PRKN: variants seen among roughly 807,000 people sequenced by gnomAD.
PRKN encodes the protein E3 ubiquitin-protein ligase parkin.
In PRKN, 56 loss-of-function variants were observed where a neutral mutation model predicts 59.5. The ratio of observed to expected loss-of-function variants is 0.94; its 90% CI spans 0.76 to 1.18. The LOEUF (loss-of-function observed/expected upper bound fraction) is 1.18. Ranked by LOEUF, PRKN falls within the 50% of genes most tolerant of loss-of-function variation. The pLI, the probability that PRKN is intolerant of heterozygous loss-of-function variation, is 0.00. For synonymous variants in PRKN, 250 were observed against 222.1 expected (o/e 1.13, Z -1.12); for missense variants, 657 against 596.4 (o/e 1.10, Z -1.06).
At chr6:162,343,127 A>G (rs1784258595) in intron 2 of PRKN, among the ~76,000 whole-genome samples, 2 of 152,342 alleles carry the variant, frequency 1.3e-5, no homozygotes, top group African/African-American at 4.8e-5. Flanking sequence ...TCTCATCAGA[A>G]GAAATATCTG....
chr6:162,121,256 T>G (rs1414140179), intron 4 of PRKN, among the ~76,000 whole-genome samples: 1 of 152,068 alleles, frequency 6.6e-6, no homozygotes, highest in African/African-American at 2.4e-5. Flanking sequence ...GCAAATACCT[T>G]AAATGTCTGA....
chr6:162,427,213 G>A (rs532604529), intron 2 of PRKN, among the ~76,000 whole-genome samples: 21 of 152,344 alleles, frequency 1.4e-4, no homozygotes, highest in Non-Finnish European at 2.5e-4. Flanking sequence ...TGGCGAGGAT[G>A]TGAATAATTG....
At chr6:162,102,871 G>A (rs559450406) in intron 4 of PRKN, among the ~76,000 whole-genome samples, 203 of 151,742 alleles carry the variant, frequency 1.3e-3, no homozygotes, top group African/African-American at 4.3e-3. Context: ...GTGAAACCCC[G>A]TCTCTACTGA....
chr6:162,421,185 T>C (rs1307951708), intron 2 of PRKN, among the ~76,000 whole-genome samples: 3 of 152,224 alleles, frequency 2.0e-5, no homozygotes, highest in African/African-American at 7.2e-5. Context: ...TTATGCACGA[T>C]GTTTATCAAT....
At chr6:161,609,970 T>C (rs1782428720) in intron 7 of PRKN, among the ~76,000 whole-genome samples, 1 of 152,198 alleles carries the variant, frequency 6.6e-6, no homozygotes. Flanking sequence ...GAAAAGTCAT[T>C]GATATATTTT....
At chr6:161,724,295 T>G (rs955460768) in intron 7 of PRKN, among the ~76,000 whole-genome samples, 6 of 152,346 alleles carry the variant, frequency 3.9e-5, no homozygotes, top group African/African-American at 1.4e-4. Flanking sequence ...ATATTGCAAC[T>G]TTCTAAATTT....
At chr6:161,868,801 T>C (rs922329247) in intron 6 of PRKN, among the ~76,000 whole-genome samples, 1 of 152,170 alleles carries the variant, frequency 6.6e-6, no homozygotes, top group Non-Finnish European at 1.5e-5. Flanking sequence ...AAAAAATATT[T>C]GGATGCACAT....
At chr6:161,465,277 T>C (rs1161249921) in intron 9 of PRKN, among the ~76,000 whole-genome samples, 1 of 152,178 alleles carries the variant, frequency 6.6e-6, no homozygotes, top group Non-Finnish European at 1.5e-5. Flanking sequence ...TTCTTAACAT[T>C]GGGATTTTAA....
chr6:162,494,578 CA>C (rs1792974983), intron 1 of PRKN, among the ~76,000 whole-genome samples: 1 of 152,132 alleles, frequency 6.6e-6, no homozygotes, highest in African/African-American at 2.4e-5. Context: ...ATCCCTATAA[CA>C]AAGCTGCTTG....
At chr6:161,404,806 C>T (rs1787189805) in intron 9 of PRKN, among the ~76,000 whole-genome samples, 1 of 152,196 alleles carries the variant, frequency 6.6e-6, no homozygotes, top group South Asian at 2.1e-4. Context: ...ACTGAAATGG[C>T]ACAGATGGCC....
At chr6:161,603,041 A>G (rs1782161265) in intron 7 of PRKN, among the ~76,000 whole-genome samples, 1 of 152,240 alleles carries the variant, frequency 6.6e-6, no homozygotes, top group Non-Finnish European at 1.5e-5. Context: ...CCAGTAGACC[A>G]GAAAGACTGA....
chr6:162,617,147 C>T (rs913080987), intron 1 of PRKN, among the ~76,000 whole-genome samples: 7 of 152,100 alleles, frequency 4.6e-5, no homozygotes, highest in Admixed American at 2.6e-4. Flanking sequence ...TTAGCATATG[C>T]ATCACCTCAC....
intron 5 of PRKN, among the ~76,000 whole-genome samples, chr6:162,018,918 T>C (rs1783029967): frequency 6.6e-6 from 1 of 152,200 alleles, no homozygotes; most frequent in Admixed American, 6.5e-5. Flanking sequence ...TTCTCATAAT[T>C]TAGCCTTGGT....
chr6:161,774,327 T>C lies in PRKN; in HGVS notation c.871+11445A>G, dbSNP rs73785406. On this transcript the variant is annotated intron_variant, in intron 7 of 11. Coordinates refer to ENST00000366898, the MANE Select transcript of PRKN (RefSeq NM_004562.3). Reference sequence around the variant, plus strand: ...GTGTGTTGACAGCCCGTTTGCTTTTTCTCCTTGGCACAGGGCCAGATCCTG... The same window carrying C: ...GTGTGTTGACAGCCCGTTTGCTTTTCCTCCTTGGCACAGGGCCAGATCCTG... Among the ~76,000 whole-genome samples, 536 of 151,898 alleles carry C rather than the reference T, an allele frequency of 3.5e-3. 5 individuals are homozygous for C. Among genetic ancestry groups the C allele is most frequent in the African/African-American group, 0.012 (478 of 41,384 alleles).
chr6:162,229,967 C>A (rs1393571737), intron 3 of PRKN, among the ~76,000 whole-genome samples: 3 of 152,158 alleles, frequency 2.0e-5, no homozygotes, highest in Middle Eastern at 3.2e-3. Context: ...ACCATTACAT[C>A]TGAGTACTTA....
At chr6:162,078,000 CTAAAAAAAAAAAAAA>C (rs1468839197) in intron 4 of PRKN, among the ~76,000 whole-genome samples, 3 of 39,856 alleles carry the variant, frequency 7.5e-5, no homozygotes, top group Non-Finnish European at 1.3e-4. Context: ...GACTCTCTCT[CTAAAAAAAAAAAAAA>C]AAAAAAAATT....
chr6:161,699,172 A>C (rs917585138), intron 7 of PRKN, among the ~76,000 whole-genome samples: 1 of 152,142 alleles, frequency 6.6e-6, no homozygotes, highest in African/African-American at 2.4e-5. Flanking sequence ...AATTAAAACC[A>C]CACCTATTAG....
chr6:162,370,977 T>C (rs1449981116), intron 2 of PRKN, among the ~76,000 whole-genome samples: 6 of 152,196 alleles, frequency 3.9e-5, no homozygotes, highest in Non-Finnish European at 8.8e-5. Context: ...CGTACATGGC[T>C]TCTTGTCCAG....
chr6:161,868,759 A>G (rs1333338703), intron 6 of PRKN, among the ~76,000 whole-genome samples: 1 of 152,192 alleles, frequency 6.6e-6, no homozygotes, highest in African/African-American at 2.4e-5. Flanking sequence ...AATATAAATT[A>G]TACATCAGAT....
Sources: gnomAD v4.1 joint callset for allele counts (sites outside exome capture counted in the v4.1 genomes callset) on GRCh38, gnomAD v4.1.1 for gene constraint, MANE v1.5 for transcripts, NCBI Gene and HGNC (gene_info 2026-07-23, HGNC 2026-07-21) for gene names.